Variants in BTRC observed in about 807,000 individuals in gnomAD.
BTRC encodes F-box/WD repeat-containing protein 1A.
BTRC carries 42 observed loss-of-function variants against 85.5 expected under a neutral mutation model. The ratio of observed to expected loss-of-function variants is 0.49; its 90% CI spans 0.38 to 0.64. BTRC has a LOEUF of 0.64. Among genes scored for constraint, BTRC ranks in the 30% least tolerant of loss-of-function variants. The probability of loss-of-function intolerance (pLI) is 0.00; values close to 1 mark genes in which losing one functional copy is unlikely to be tolerated. For synonymous variants in BTRC, 255 were observed against 263.3 expected, an observed-to-expected ratio of 0.97 and a Z score of 0.30; for missense variants, 594 against 743.5, an observed-to-expected ratio of 0.80 and a Z score of 2.34.
chr10:101,484,460 G>C (rs1945929203), intron 4 of BTRC, among the ~76,000 whole-genome samples: 1 of 152,072 alleles, frequency 6.6e-6, no homozygotes, highest in African/African-American at 2.4e-5. Flanking sequence ...TTTTTTCCAT[G>C]CTACTTGCTG....
intron 12 of BTRC, 48 bp downstream of exon 12, chr10:101,536,701 C>G: frequency 7.2e-7 from 1 of 1,396,346 alleles, no homozygotes. Context: ...ACGTCTTAAT[C>G]CTTCCTTATG....
At chr10:101,490,437 A>G (rs1026008822) in intron 4 of BTRC, among the ~76,000 whole-genome samples, 1 of 152,190 alleles carries the variant, frequency 6.6e-6, no homozygotes, top group Non-Finnish European at 1.5e-5. Flanking sequence ...ATCCCACTTT[A>G]CAAACGAGGA....
intron 2 of BTRC, among the ~76,000 whole-genome samples, chr10:101,460,901 T>G (rs1395395778): frequency 2.0e-5 from 3 of 152,096 alleles, no homozygotes; most frequent in Non-Finnish European, 4.4e-5. Context: ...TAACTGTAAG[T>G]TTTTTGTTGT....
chr10:101,519,101 G>A (rs941281991), intron 4 of BTRC, among the ~76,000 whole-genome samples: 5 of 116,814 alleles, frequency 4.3e-5, no homozygotes, highest in South Asian at 2.8e-4. Flanking sequence ...TTTTTGAGAT[G>A]GAGTTTCGCT....
At chr10:101,383,973 C>G (rs191681436) in intron 1 of BTRC, among the ~76,000 whole-genome samples, 4 of 152,126 alleles carry the variant, frequency 2.6e-5, no homozygotes, top group African/African-American at 9.7e-5. Flanking sequence ...TCTCAGCCTC[C>G]CAAATAGTTG....
At chr10:101,501,926 T>TAAAC (rs1005689330) in intron 4 of BTRC, among the ~76,000 whole-genome samples, 1 of 152,164 alleles carries the variant, frequency 6.6e-6, no homozygotes, top group African/African-American at 2.4e-5. Context: ...CATTCTAGGT[T>TAAAC]AAACAAACAA....
intron 2 of BTRC, among the ~76,000 whole-genome samples, chr10:101,431,171 G>C (rs1156803741): frequency 2.0e-5 from 3 of 149,816 alleles, no homozygotes; most frequent in Non-Finnish European, 4.4e-5. Flanking sequence ...GCGCCTCCTG[G>C]GTTCAAGCAA....
At chr10:101,406,535 T>C (rs1361876170) in intron 1 of BTRC, among the ~76,000 whole-genome samples, 3 of 128,398 alleles carry the variant, frequency 2.3e-5, no homozygotes, top group Non-Finnish European at 5.0e-5. Context: ...TTTTTTTTTT[T>C]TTTTTTTTTT....
intron 3 of BTRC, among the ~76,000 whole-genome samples, chr10:101,476,517 G>C (rs1945691264): frequency 6.6e-6 from 1 of 152,014 alleles, no homozygotes; most frequent in Non-Finnish European, 1.5e-5. Context: ...TGTTGCCCAG[G>C]CTGGAGTGCA....
chr10:101,549,008 G>A (rs1304265747), intron 13 of BTRC, among the ~76,000 whole-genome samples: 2 of 150,886 alleles, frequency 1.3e-5, no homozygotes, highest in Admixed American at 1.3e-4. Flanking sequence ...AGCCAAGATC[G>A]CGCCACTGCA....
intron 1 of BTRC, among the ~76,000 whole-genome samples, chr10:101,354,767 T>G (rs1367668673): frequency 6.6e-6 from 1 of 152,000 alleles, no homozygotes; most frequent in Non-Finnish European, 1.5e-5. Flanking sequence ...GCTTATAGTT[T>G]TGTAGAATGA....
chr10:101,532,863 T>C (rs1002062169), intron 8 of BTRC, 89 bp from the exon 9 acceptor site: 3 of 1,081,464 alleles, frequency 2.8e-6, no homozygotes, highest in East Asian at 4.8e-5. Context: ...CTTTGATTAT[T>C]TTGGGGGATC....
At chr10:101,440,563 A>G (rs866844856) in intron 2 of BTRC, among the ~76,000 whole-genome samples, 50 of 152,232 alleles carry the variant, frequency 3.3e-4, no homozygotes, top group African/African-American at 1.2e-3. Context: ...TTTACCAAAA[A>G]TACAAAAAAT....
chr10:101,537,971 G>A (rs975627906), intron 12 of BTRC, among the ~76,000 whole-genome samples: 9 of 152,312 alleles, frequency 5.9e-5, no homozygotes, highest in African/African-American at 2.2e-4. Context: ...ATGGACCCCA[G>A]TCCCTCAGTA....
chr10:101,508,913 TAAAAAA>T (rs59998718), intron 4 of BTRC, among the ~76,000 whole-genome samples: 12 of 101,930 alleles, frequency 1.2e-4, no homozygotes, highest in East Asian at 3.0e-4. Context: ...GACTCCATCT[TAAAAAA>T]AAAAAAAAAA....
rs1946022199 is a variant in BTRC at position 101,487,588 on chromosome 10, A to G, written c.324+8131A>G. 2.0e-5 allele frequency among the ~76,000 whole-genome samples: 3 copies of G among 152,210 alleles called. No individual in the cohort carries two copies. In the South Asian group the frequency reaches 6.2e-4, roughly 31 times the overall value. ...ATAATGAGAGCAAATTAGAACAATC[A>G]GTTTACACAGATAGCTCCTGATTGG... On this transcript the variant is annotated intron_variant, in intron 4 of 14. Transcript: ENST00000370187.
intron 1 of BTRC, among the ~76,000 whole-genome samples, chr10:101,404,470 T>C (rs1943571073): frequency 6.6e-6 from 1 of 152,218 alleles, no homozygotes; most frequent in South Asian, 2.1e-4. Flanking sequence ...CCTTGGCTTT[T>C]TTAATATTAT....
chr10:101,437,784 C>T (rs982163900), intron 2 of BTRC, among the ~76,000 whole-genome samples: 1 of 152,134 alleles, frequency 6.6e-6, no homozygotes, highest in Non-Finnish European at 1.5e-5. Context: ...TGCAGTTCCC[C>T]AAAGGTGCAG....
intron 8 of BTRC, among the ~76,000 whole-genome samples, 149 bp from the exon 9 acceptor site, chr10:101,532,775 TGTGTGTGTGTGTGTGCGCGTGTGCGCGC>T (rs1419270224): frequency 6.9e-5 from 5 of 72,388 alleles, no homozygotes; most frequent in African/African-American, 1.0e-4. Context: ...TGTGTGTGTG[TGTGTGTGTGTGTGTGCGCGTGTGCGCGC>T]GCGCGCGCTT....
Sources: allele counts gnomAD v4.1 joint callset (sites outside exome capture counted in the v4.1 genomes callset), GRCh38; gene constraint gnomAD v4.1.1; transcripts MANE v1.5; gene names NCBI Gene and HGNC (gene_info 2026-07-23, HGNC 2026-07-21).